Variants in TACC1 observed in about 807,000 individuals in gnomAD.
The protein encoded by TACC1 is transforming acidic coiled-coil containing protein 1, also known as transforming acidic coiled-coil-containing protein 1.
In TACC1, 48 loss-of-function variants were observed where a neutral mutation model predicts 84.4. The ratio of observed to expected loss-of-function variants is 0.57; its 90% CI spans 0.45 to 0.72. The LOEUF (loss-of-function observed/expected upper bound fraction) is 0.72. Among genes scored for constraint, TACC1 ranks in the 30% least tolerant of loss-of-function variants. The pLI is 0.00. For missense variants in TACC1, 920 were observed against 973.0 expected, an observed-to-expected ratio of 0.95 and a Z score of 0.72; for synonymous variants, 372 against 376.3, an observed-to-expected ratio of 0.99 and a Z score of 0.13.
chr8:38,832,636 G>A (rs1459764748), intron 6 of TACC1, among the ~76,000 whole-genome samples: 1 of 152,236 alleles, frequency 6.6e-6, no homozygotes, highest in Non-Finnish European at 1.5e-5. Flanking sequence ...TAAGGCCAGA[G>A]TACAATCAGT....
At chr8:38,805,645 G>C (rs1822508487) in intron 2 of TACC1, 2 of 152,324 alleles carry the variant, frequency 1.3e-5, no homozygotes, top group Non-Finnish European at 2.9e-5. Context: ...GCTGCTGGTG[G>C]TAAGGACCTG....
intron 3 of TACC1, among the ~76,000 whole-genome samples, chr8:38,781,476 G>A (rs547514462): frequency 1.3e-5 from 2 of 151,830 alleles, no homozygotes; most frequent in Admixed American, 1.3e-4. Flanking sequence ...CTGCCTCCTG[G>A]GTTCAAGCGA....
At chr8:38,772,820 A>T (rs1813918816) in intron 3 of TACC1, among the ~76,000 whole-genome samples, 1 of 152,044 alleles carries the variant, frequency 6.6e-6, no homozygotes, top group African/African-American at 2.4e-5. Flanking sequence ...CAATAAATTG[A>T]TACTTGTTAA....
At chr8:38,783,360 C>A (rs1816517752), upstream of TACC1, among the ~76,000 whole-genome samples, 1 of 151,840 alleles carries the variant, frequency 6.6e-6, no homozygotes, top group African/African-American at 2.4e-5. Flanking sequence ...GGGGGCTCAG[C>A]CAAGTCTTTA....
chr8:38,788,526 A>G, intron 1 of TACC1, 178 bp from the exon 2 acceptor site: 1 of 522,978 alleles, frequency 1.9e-6, no homozygotes, highest in Non-Finnish European at 3.4e-6. Flanking sequence ...TGAGAAACCC[A>G]AGGAGGGCAC....
chr8:38,788,836 A>AT lies in TACC1; in HGVS notation c.277+22dup. On this transcript the variant is annotated intron_variant, in intron 2 of 12. Transcript: ENST00000317827. ...AAAGCCAAGGTAAAGAAAAACTTGC[A>AT]TTTTTCCTGCCTGTTTTGTTTCAAA... is the stretch of plus-strand genomic sequence containing the variant. 6.4e-7 allele frequency: 1 copy of AT among 1,570,780 alleles called. No individual in the cohort carries two copies. Among genetic ancestry groups the AT allele is most frequent in the South Asian group, 1.2e-5 (1 of 85,018 alleles).
chr8:38,733,215 C>G (rs1440532469), intron 1 of TACC1, among the ~76,000 whole-genome samples: 1 of 152,010 alleles, frequency 6.6e-6, no homozygotes, highest in Non-Finnish European at 1.5e-5. Context: ...CACACTCTAA[C>G]AAGACAGAGA....
rs1382727179 is a variant in TACC1 at position 38,835,251 on chromosome 8, C to T, written c.1714-911C>T. ...CCTGGGCCACAGAGTGAGACCCCGT[C>T]TCAAAAAAAAAAAAAAAAGTTTACT... On this transcript the variant is annotated intron_variant, in intron 6 of 12. Transcript: ENST00000317827. Among the ~76,000 whole-genome samples the T allele has an allele frequency of 2.1e-5, 3 of 142,438 alleles. No individual in the cohort carries two copies. The South Asian group carries it at 6.6e-4, about 31-fold the overall frequency. 93.4% of individuals were successfully genotyped at this position (142,438 alleles called of 152,430 possible).
Position 38,819,600 on chromosome 8 carries a change from A to T in TACC1, c.356A>T (p.Glu119Val). ...TCTAAGACTTGTTCTAAACCTTCAG[A>T]AAATGAAGTGCCACAGCAGGCCATT... is the stretch of plus-strand genomic sequence containing the variant. Reference protein sequence around the residue: ...CSSKTCSKPSENEVPQQAIDS... With the variant: ...CSSKTCSKPSVNEVPQQAIDS... Residue 119 changes from glutamate (E) to valine (V), a missense_variant, in exon 3 of 13, where the codon GAA becomes GTA. Transcript: ENST00000317827. The T allele has an allele frequency of 6.2e-7, 1 of 1,614,272 alleles. No individual in the cohort carries two copies. The highest frequency in any genetic ancestry group is 8.5e-7 in the Non-Finnish European group (1 of 1,180,050).
chr8:38,776,355 G>A (rs762468685), intron 3 of TACC1, among the ~76,000 whole-genome samples: 1 of 152,140 alleles, frequency 6.6e-6, no homozygotes, highest in East Asian at 1.9e-4. Context: ...TCATCCACGG[G>A]GCAGGCTTGA....
chr8:38,741,621 G>C (rs560018732), intron 1 of TACC1, among the ~76,000 whole-genome samples: 17 of 152,234 alleles, frequency 1.1e-4, no homozygotes, highest in African/African-American at 3.9e-4. Context: ...GCCAGAACCT[G>C]CTGGGTTAGT....
intron 3 of TACC1, among the ~76,000 whole-genome samples, chr8:38,760,627 G>C (rs1239100793): frequency 1.3e-5 from 2 of 152,000 alleles, no homozygotes; most frequent in Non-Finnish European, 2.9e-5. Flanking sequence ...AGGTTCAAGT[G>C]AGTCTCCTGC....
At position 38,849,765 on chromosome 8, in the gene TACC1, C is replaced by G. The variant is rs1372818446; in HGVS notation, c.*1742C>G. On this transcript the variant is annotated 3_prime_UTR_variant, in exon 13 of 13. Transcript: ENST00000317827. ...TCTTAACATTTTGTATAAAAAAGAACAACAGAAATTATCTGTCATTTGAGA... is the reference window on the plus strand; with the variant it reads ...TCTTAACATTTTGTATAAAAAAGAAGAACAGAAATTATCTGTCATTTGAGA... 1 of 152,596 alleles carries G rather than the reference C, an allele frequency of 6.6e-6. No individual in the cohort carries two copies. Among genetic ancestry groups the G allele is most frequent in the Non-Finnish European group, 1.5e-5 (1 of 68,030 alleles). 9.5% of individuals were successfully genotyped at this position (152,596 alleles called of 1,614,324 possible).
intron 2 of TACC1, chr8:38,742,514 C>A: frequency 8.2e-7 from 1 of 1,226,092 alleles, no homozygotes; most frequent in Non-Finnish European, 1.1e-6. Context: ...ATTTTTATTT[C>A]CTAGTGAAAA....
chr8:38,841,965 GTTC>G (rs1409840918), intron 9 of TACC1, among the ~76,000 whole-genome samples: 1 of 151,988 alleles, frequency 6.6e-6, no homozygotes, highest in Non-Finnish European at 1.5e-5. Flanking sequence ...TACCACAGCT[GTTC>G]TTCTCTATGG....
intron 7 of TACC1, 52 bp downstream of exon 7, chr8:38,836,339 C>G (rs781150884): frequency 6.3e-7 from 1 of 1,584,132 alleles, no homozygotes; most frequent in Non-Finnish European, 8.6e-7. Flanking sequence ...TTGTAAGGCC[C>G]ATGTACCAGC....
intron 3 of TACC1, among the ~76,000 whole-genome samples, chr8:38,773,000 G>C (rs1416144211): frequency 2.0e-5 from 3 of 151,956 alleles, no homozygotes; most frequent in Non-Finnish European, 4.4e-5. Flanking sequence ...ACCTGAATAA[G>C]TACTCACCTC....
At chr8:38,792,433 A>G (rs1233795744) in intron 2 of TACC1, among the ~76,000 whole-genome samples, 1 of 152,146 alleles carries the variant, frequency 6.6e-6, no homozygotes, top group Non-Finnish European at 1.5e-5. Context: ...AGCTGGGACT[A>G]TAGGCACACA....
rs776519817 is a variant in TACC1, at chr8:38,819,485, T to C, written c.278-37T>C. The C allele has an allele frequency of 5.1e-6, 8 of 1,568,166 alleles. No individual in the cohort carries two copies. In the South Asian group the frequency reaches 9.6e-5, roughly 19 times the overall value. On this transcript the variant is annotated intron_variant, in intron 2 of 12. Transcript: ENST00000317827. ...AGAGAGGATACTTACCAGTGACAGATAATTCTTTAATAGATGGTTTTTGTG... is the reference window on the plus strand; with the variant it reads ...AGAGAGGATACTTACCAGTGACAGACAATTCTTTAATAGATGGTTTTTGTG...
Sources: allele counts gnomAD v4.1 joint callset (sites outside exome capture counted in the v4.1 genomes callset), GRCh38; gene constraint gnomAD v4.1.1; transcripts MANE v1.5; gene names NCBI Gene and HGNC (gene_info 2026-07-23, HGNC 2026-07-21).